The following SEMA6D variants were observed in gnomAD, a reference collection of about 807,000 sequenced individuals.
The protein encoded by SEMA6D is semaphorin-6D.
In SEMA6D, 35 loss-of-function variants were observed where a neutral mutation model predicts 106.6. The ratio of observed to expected loss-of-function variants is 0.33; its 90% CI spans 0.25 to 0.44. The LOEUF (loss-of-function observed/expected upper bound fraction) is 0.44, where lower values mean the gene tolerates loss of function less well. SEMA6D is among the 20% of genes least tolerant of loss of function. The pLI, the probability that SEMA6D is intolerant of heterozygous loss-of-function variation, is 1.00. For synonymous variants in SEMA6D, 499 were observed against 487.7 expected (o/e 1.02, Z -0.31); for missense variants, 1,185 against 1,345.9 (o/e 0.88, Z 1.87).
At chr15:47,504,075 G>A (rs912332925) in intron 3 of SEMA6D, among the ~76,000 whole-genome samples, 1 of 152,198 alleles carries the variant, frequency 6.6e-6, no homozygotes, top group Non-Finnish European at 1.5e-5. Context: ...GAAGCCCTCT[G>A]CTCCTCCCTC....
intron 1 of SEMA6D, among the ~76,000 whole-genome samples, chr15:47,754,334 C>T (rs1457348959): frequency 6.6e-6 from 1 of 152,186 alleles, no homozygotes; most frequent in East Asian, 1.9e-4. Flanking sequence ...TTTTAGTTTG[C>T]ATCTGGAACA....
In SEMA6D at chr15:47,430,341, G is replaced by T. The variant is rs147093949; in HGVS notation, c.-159+17869G>T. Among the ~76,000 whole-genome samples, 310 of 152,156 alleles carry T rather than the reference G, an allele frequency of 2.0e-3. 2 individuals are homozygous for T. Among genetic ancestry groups the T allele is most frequent in the African/African-American group, 7.1e-3 (295 of 41,522 alleles). On this transcript the variant is annotated intron_variant, in intron 2 of 19. Coordinates refer to the SEMA6D transcript ENST00000558014. ...GGGGACCATTTTTATTTGCATGGTT[G>T]CTGCAAACTCTGTCCCTTTCTTGAT...
chr15:47,485,223 C>G (rs1443313515), intron 3 of SEMA6D, among the ~76,000 whole-genome samples: 4 of 152,108 alleles, frequency 2.6e-5, no homozygotes, highest in African/African-American at 9.7e-5. Context: ...ACCTGCAAGG[C>G]AGGCACAAAA....
intron 4 of SEMA6D, among the ~76,000 whole-genome samples, chr15:47,641,351 CG>C (rs2077486012): frequency 6.6e-6 from 1 of 152,190 alleles, no homozygotes. Context: ...GACTGTGACT[CG>C]GGGCCTGTTA....
chr15:47,743,698 G>T (rs1204339615), intron 1 of SEMA6D, among the ~76,000 whole-genome samples: 1 of 152,200 alleles, frequency 6.6e-6, no homozygotes, highest in Non-Finnish European at 1.5e-5. Context: ...AGCATTCCAG[G>T]TAGTGATGGG....
In SEMA6D at chr15:47,772,058, T is replaced by C; in HGVS notation, c.*273T>C. 1 of 433,568 alleles carries C rather than the reference T, an allele frequency of 2.3e-6. No individual in the cohort carries two copies. 26.9% of individuals were successfully genotyped at this position (433,568 alleles called of 1,614,324 possible). On this transcript the variant is annotated 3_prime_UTR_variant, in exon 19 of 19. Coordinates refer to ENST00000536845, the MANE Select transcript of SEMA6D (RefSeq NM_001358351.3). ...GATGTGTAGCTCACAGGGGCTACCTTACCAGTATAAAGAGCTGATAACAGT... is the reference window on the plus strand; with the variant it reads ...GATGTGTAGCTCACAGGGGCTACCTCACCAGTATAAAGAGCTGATAACAGT...
intron 3 of SEMA6D, among the ~76,000 whole-genome samples, chr15:47,486,223 C>G (rs1432648417): frequency 1.3e-5 from 2 of 152,254 alleles, no homozygotes; most frequent in Admixed American, 6.5e-5. Flanking sequence ...GTCAATGTTC[C>G]CACTAATATT....
At chr15:47,734,909 T>A (rs1174170621) in intron 1 of SEMA6D, among the ~76,000 whole-genome samples, 1 of 152,176 alleles carries the variant, frequency 6.6e-6, no homozygotes, top group African/African-American at 2.4e-5. Flanking sequence ...ACATGCAGTT[T>A]GGTGGTTTTT....
At chr15:47,621,076 TCA>T (rs2077089528) in intron 4 of SEMA6D, among the ~76,000 whole-genome samples, 2 of 152,166 alleles carry the variant, frequency 1.3e-5, no homozygotes, top group Admixed American at 6.5e-5. Flanking sequence ...CCTTGTTAGT[TCA>T]CAGTCAGTGG....
At chr15:47,447,171 T>C (rs535881134) in intron 2 of SEMA6D, among the ~76,000 whole-genome samples, 1 of 152,228 alleles carries the variant, frequency 6.6e-6, no homozygotes, top group Admixed American at 6.5e-5. Flanking sequence ...CAAGATCCTC[T>C]CAGTTTTGTC....
chr15:47,335,630 A>T (rs1380520295), intron 1 of SEMA6D, among the ~76,000 whole-genome samples: 1 of 152,134 alleles, frequency 6.6e-6, no homozygotes, highest in Non-Finnish European at 1.5e-5. Flanking sequence ...GCCCCACACG[A>T]TGTTATTCCT....
chr15:47,475,991 A>G (rs1323846507), intron 3 of SEMA6D, among the ~76,000 whole-genome samples: 1 of 152,156 alleles, frequency 6.6e-6, no homozygotes, highest in East Asian at 1.9e-4. Flanking sequence ...GTTTGGGCAA[A>G]GTGTGGTGAA....
chr15:47,409,332 C>T (rs1301270403), intron 1 of SEMA6D, among the ~76,000 whole-genome samples: 5 of 152,194 alleles, frequency 3.3e-5, no homozygotes, highest in East Asian at 1.9e-4. Context: ...GAAATGCACC[C>T]TCAGCCAATG....
chr15:47,477,234 G>A (rs767888079), intron 3 of SEMA6D, among the ~76,000 whole-genome samples: 1 of 152,132 alleles, frequency 6.6e-6, no homozygotes, highest in Non-Finnish European at 1.5e-5. Context: ...GAGTCTGCAT[G>A]TAAATTATGT....
At chr15:47,713,357 A>G (rs1184974901), upstream of SEMA6D, among the ~76,000 whole-genome samples, 1 of 152,240 alleles carries the variant, frequency 6.6e-6, no homozygotes, top group Non-Finnish European at 1.5e-5. Flanking sequence ...TTATGTCAGT[A>G]AAATCTTGAG....
intron 3 of SEMA6D, among the ~76,000 whole-genome samples, chr15:47,523,569 T>C (rs2044656664): frequency 1.3e-5 from 2 of 152,168 alleles, no homozygotes; most frequent in Non-Finnish European, 1.5e-5. Context: ...ACAGGAAGGT[T>C]TGATGATTCT....
chr15:47,357,572 C>A (rs554257077), intron 1 of SEMA6D, among the ~76,000 whole-genome samples: 8 of 152,240 alleles, frequency 5.3e-5, no homozygotes, highest in African/African-American at 1.9e-4. Context: ...GGGCAGGAAA[C>A]ATCCAGCACG....
At chr15:47,273,305 G>A (rs781337900) in intron 1 of SEMA6D, among the ~76,000 whole-genome samples, 3 of 150,836 alleles carry the variant, frequency 2.0e-5, no homozygotes, top group Non-Finnish European at 4.4e-5. Flanking sequence ...CAAGCCAGTT[G>A]CCCAGACAAC....
chr15:47,480,692 T>C (rs1203078219), intron 3 of SEMA6D, among the ~76,000 whole-genome samples: 1 of 152,188 alleles, frequency 6.6e-6, no homozygotes, highest in Admixed American at 6.6e-5. Context: ...GGTTCTTATC[T>C]GAACCATTTT....
Sources: gnomAD v4.1 joint callset for allele counts (sites outside exome capture counted in the v4.1 genomes callset) on GRCh38, gnomAD v4.1.1 for gene constraint, MANE v1.5 for transcripts, NCBI Gene and HGNC (gene_info 2026-07-23, HGNC 2026-07-21) for gene names.